The following FBRSL1 variants were observed in gnomAD, a reference collection of about 807,000 sequenced individuals.
FBRSL1 encodes fibrosin-1-like protein.
FBRSL1 carries 51 observed loss-of-function variants against 89.6 expected under a neutral mutation model. The ratio of observed to expected loss-of-function variants is 0.57; its 90% CI spans 0.45 to 0.72. The LOEUF (loss-of-function observed/expected upper bound fraction) is 0.72, where lower values mean the gene tolerates loss of function less well. Among genes scored for constraint, FBRSL1 ranks in the 30% least tolerant of loss-of-function variants. The pLI is 0.00. For missense variants in FBRSL1, 1,618 were observed against 1,451.8 expected, an observed-to-expected ratio of 1.11 and a Z score of -1.86; for synonymous variants, 779 against 681.1, an observed-to-expected ratio of 1.14 and a Z score of -2.24.
intron 2 of FBRSL1, among the ~76,000 whole-genome samples, chr12:132,513,931 G>C (rs996103784): frequency 1.3e-5 from 2 of 152,162 alleles, no homozygotes; most frequent in Admixed American, 1.3e-4. Context: ...ATCCACGCCT[G>C]GTGTGTGGGC....
chr12:132,534,019 A>T (rs894229045), intron 4 of FBRSL1, among the ~76,000 whole-genome samples: 19 of 152,100 alleles, frequency 1.2e-4, no homozygotes, highest in African/African-American at 4.6e-4. Context: ...GCCGTAGAGG[A>T]TGGGAGGCTG....
At chr12:132,582,923 G>GGCAGGACGGAGGTCTC (rs2040880591) in intron 18 of FBRSL1, 48 bp from the exon 19 acceptor site, 2 of 1,331,098 alleles carry the variant, frequency 1.5e-6, no homozygotes, top group Non-Finnish European at 1.9e-6. Context: ...TGCGCCGCGC[G>GGCAGGACGGAGGTCTC]GCAGGACGGA....
At chr12:132,563,881 C>T (rs540752638) in intron 5 of FBRSL1, among the ~76,000 whole-genome samples, 1 of 98,840 alleles carries the variant, frequency 1.0e-5, no homozygotes, top group Non-Finnish European at 1.8e-5. Flanking sequence ...CACTCACTCC[C>T]GTCGCCCCTG....
chr12:132,500,954 T>C (rs1198270879), intron 1 of FBRSL1, among the ~76,000 whole-genome samples: 2 of 152,124 alleles, frequency 1.3e-5, no homozygotes, highest in African/African-American at 2.4e-5. Flanking sequence ...CATGCCTCAC[T>C]CGCCTGCCCC....
chr12:132,582,069 T>C lies in FBRSL1; in HGVS notation c.2004T>C (p.Gly668=), dbSNP rs749777215. The C allele has an allele frequency of 2.0e-5, 31 of 1,545,744 alleles. No homozygotes were observed. The highest frequency in any genetic ancestry group is 2.5e-5 in the Non-Finnish European group (29 of 1,144,332). The change falls in exon 18 of 19, where the codon GGT becomes GGC. Residue 668 remains glycine (G), a synonymous_variant. Transcript: ENST00000680143. The part of the protein sequence containing the change: ...GGLGSHALAP[G]GSIFAPKEGS... ...CCCGGCCTCTGCCCCCAGCTCCCGG[T>C]GGCAGCATCTTTGCCCCCAAGGAGG...
At chr12:132,568,460 G>C (rs947028881) in intron 6 of FBRSL1, among the ~76,000 whole-genome samples, 1 of 152,268 alleles carries the variant, frequency 6.6e-6, no homozygotes, top group South Asian at 2.1e-4. Context: ...TGCATGGGAC[G>C]GGCCCCGGTA....
At chr12:132,560,675 C>T (rs2039046364) in intron 5 of FBRSL1, among the ~76,000 whole-genome samples, 1 of 152,172 alleles carries the variant, frequency 6.6e-6, no homozygotes, top group African/African-American at 2.4e-5. Context: ...AAAGCGCGCC[C>T]TGACCTCCGC....
At chr12:132,538,656 C>T (rs989857212) in intron 4 of FBRSL1, among the ~76,000 whole-genome samples, 3 of 152,210 alleles carry the variant, frequency 2.0e-5, no homozygotes, top group African/African-American at 4.8e-5. Flanking sequence ...CCGGCTCTGG[C>T]GTGTCTGCTC....
chr12:132,510,685 G>A, intron 2 of FBRSL1: 1 of 1,226,522 alleles, frequency 8.2e-7, no homozygotes, highest in Non-Finnish European at 1.0e-6. Flanking sequence ...CAGGAAGAGA[G>A]ATGAACCCGC....
At chr12:132,512,363 C>A (rs936209604) in intron 2 of FBRSL1, among the ~76,000 whole-genome samples, 2 of 152,262 alleles carry the variant, frequency 1.3e-5, no homozygotes, top group African/African-American at 4.8e-5. Flanking sequence ...TCTGCACAGC[C>A]TGTCAGGTGC....
rs994373790 is a variant in FBRSL1, at chr12:132,546,752, C to G, written c.616-1251C>G. Among the ~76,000 whole-genome samples, 11 of 152,198 alleles carry G rather than the reference C, an allele frequency of 7.2e-5. No individual in the cohort carries two copies. Among genetic ancestry groups the G allele is most frequent in the African/African-American group, 2.2e-4 (9 of 41,440 alleles). On this transcript the variant is annotated intron_variant, in intron 4 of 18. Coordinates refer to ENST00000680143, the MANE Select transcript of FBRSL1 (RefSeq NM_001367871.1). The surrounding 1 kb of genome is among the most constrained non-coding windows in gnomAD (Gnocchi z 4.0). ...CCAGCTGCCCAGCTTCCCCAGGGGT[C>G]CCAGCTGGGGTCCCACTTGTAGGAG...
intron 2 of FBRSL1, chr12:132,510,902 CT>C (rs1593286683): frequency 8.0e-6 from 8 of 1,004,648 alleles, no homozygotes; most frequent in Non-Finnish European, 9.5e-6. Flanking sequence ...ACGCTTGCCC[CT>C]GGCGTGCCAC....
In FBRSL1 at chr12:132,585,038, G is replaced by T. The variant is rs896912213; in HGVS notation, c.*1260G>T. The T allele has an allele frequency of 6.6e-6, 1 of 151,808 alleles. No homozygotes were observed. Among genetic ancestry groups the T allele is most frequent in the Admixed American group, 6.6e-5 (1 of 15,256 alleles). 9.4% of individuals were successfully genotyped at this position (151,808 alleles called of 1,614,324 possible). ...CCGATGTCTGGGCTGTGTCCCTGCC[G>T]GGATTCCCAGCCTTCGGGGTCAGCC... On this transcript the variant is annotated 3_prime_UTR_variant, in exon 19 of 19. Transcript: ENST00000680143.
intron 1 of FBRSL1, among the ~76,000 whole-genome samples, chr12:132,502,849 GCCC>G (rs2033184975): frequency 8.7e-6 from 1 of 114,824 alleles, no homozygotes; most frequent in Non-Finnish European, 1.8e-5. Flanking sequence ...TCCTGTCCCC[GCCC>G]CCTCCTGTTC....
In FBRSL1 at chr12:132,522,868, C is replaced by T. The variant is rs190658707; in HGVS notation, c.490-2866C>T. Among the ~76,000 whole-genome samples, 576 of 152,234 alleles carry T rather than the reference C, an allele frequency of 3.8e-3. 5 individuals carry two copies. The highest frequency in any genetic ancestry group is 4.3e-3 in the Non-Finnish European group (293 of 68,008). On this transcript the variant is annotated intron_variant, in intron 2 of 18. Coordinates refer to ENST00000680143, the MANE Select transcript of FBRSL1 (RefSeq NM_001367871.1). The stretch of plus-strand genomic sequence containing the variant: ...GCGCTGCCTTTCCCCCCGCACCTGC[C>T]GCCTGGCAGACGGAGCCACCTTCTG...
intron 4 of FBRSL1, among the ~76,000 whole-genome samples, chr12:132,529,810 G>A (rs977160183): frequency 4.8e-5 from 7 of 146,072 alleles, no homozygotes; most frequent in Middle Eastern, 3.6e-3. Context: ...CACCTGGTTT[G>A]GCCCAGAGTC....
intron 14 of FBRSL1, 107 bp from the exon 15 acceptor site, chr12:132,576,692 C>G (rs925273816): frequency 4.6e-6 from 6 of 1,305,508 alleles, no homozygotes; most frequent in Non-Finnish European, 6.2e-6. Context: ...ACCTGCTCCC[C>G]TTACTGGACT....
rs569554606 is a variant in FBRSL1, at chr12:132,579,763, G to A, written c.1835-1676G>A. ...TTTGCCGTCTTCAGTGAGTTAAGGC[G>A]CTTTCCTTTTTTCTGCTCTCTGGAA... On this transcript the variant is annotated intron_variant, in intron 15 of 18. Coordinates refer to ENST00000680143, the MANE Select transcript of FBRSL1 (RefSeq NM_001367871.1). 5.9e-5 allele frequency among the ~76,000 whole-genome samples: 9 copies of A among 152,292 alleles called. No homozygotes were observed. In the East Asian group the frequency reaches 1.5e-3, roughly 26 times the overall value.
chr12:132,516,702 T>G (rs920471088), intron 2 of FBRSL1, among the ~76,000 whole-genome samples: 1 of 152,180 alleles, frequency 6.6e-6, no homozygotes, highest in African/African-American at 2.4e-5. Context: ...CGGATGAGGA[T>G]GCTGAAGAAA....
Sources: gnomAD v4.1 joint callset for allele counts (sites outside exome capture counted in the v4.1 genomes callset) on GRCh38, gnomAD v4.1.1 for gene constraint, Gnocchi (gnomAD v3.1) non-coding constraint, MANE v1.5 for transcripts, NCBI Gene and HGNC (gene_info 2026-07-23, HGNC 2026-07-21) for gene names.